Variants in ADD3 observed in about 807,000 individuals in gnomAD.
ADD3 encodes adducin 3.
A neutral mutation model predicts 80.2 loss-of-function variants in ADD3; 25 were observed. That is an observed-to-expected ratio of 0.31 (90% CI 0.23 to 0.44). ADD3 has a LOEUF of 0.44. Ranked by LOEUF, ADD3 falls within the 20% of genes least tolerant of loss-of-function variation. The probability of loss-of-function intolerance (pLI) is 1.00; values close to 1 mark genes in which losing one functional copy is unlikely to be tolerated. For missense variants in ADD3, 829 were observed against 847.5 expected (o/e 0.98, Z 0.27); for synonymous variants, 284 against 289.6 (o/e 0.98, Z 0.20).
chr10:110,122,320 G>A (rs1590219858), intron 9 of ADD3, 28 bp downstream of exon 9: 3 of 1,599,010 alleles, frequency 1.9e-6, no homozygotes, highest in Non-Finnish European at 1.7e-6. Flanking sequence ...AGTAAAACTT[G>A]GATTTAATGT....
chr10:110,098,284 G>C (rs1848412848), intron 1 of ADD3, among the ~76,000 whole-genome samples: 1 of 152,126 alleles, frequency 6.6e-6, no homozygotes, highest in African/African-American at 2.4e-5. Flanking sequence ...ATGGCTAAGG[G>C]ACTGGATAGA....
intron 1 of ADD3, among the ~76,000 whole-genome samples, chr10:110,074,680 G>T (rs117657230): frequency 6.6e-6 from 1 of 151,052 alleles, no homozygotes; most frequent in South Asian, 2.1e-4. Flanking sequence ...ATAACTAATC[G>T]CAAGTCATTT....
rs1335164906 is a variant in ADD3 at position 110,118,659 on chromosome 10, A to G, written c.640A>G (p.Ser214Gly). The stretch of plus-strand genomic sequence containing the variant: ...TTTGAAAATTGACCATACAGGATTC[A>G]GTCCCCATGCTGCAATCTATTCAAC... Reference protein sequence around the residue: ...TNLKIDHTGFSPHAAIYSTRP... With the variant: ...TNLKIDHTGFGPHAAIYSTRP... The change falls in exon 6 of 15, where the codon AGT (serine) becomes GGT (glycine). Residue 214 changes from serine to glycine, a missense_variant. By Grantham distance (56) the Ser-to-Gly change is moderately conservative. Coordinates refer to ENST00000356080, the MANE Select transcript of ADD3 (RefSeq NM_016824.5). The G allele has an allele frequency of 5.0e-6, 8 of 1,613,692 alleles. No individual in the cohort carries two copies. Among genetic ancestry groups the G allele is most frequent in the African/African-American group, 1.3e-5 (1 of 74,934 alleles).
chr10:110,119,020 G>GTAT (rs1851130497), intron 6 of ADD3, among the ~76,000 whole-genome samples, 191 bp from the exon 7 acceptor site: 1 of 152,226 alleles, frequency 6.6e-6, no homozygotes, highest in Non-Finnish European at 1.5e-5. Flanking sequence ...AAGTTGAGTT[G>GTAT]TATTCCCTAA....
In ADD3 at chr10:110,123,015, T is replaced by C. The variant is rs12266344; in HGVS notation, c.1143+723T>C. ...GCCTGGTTTATTTTATTTAATACAA[T>C]GTCCTCTAGGTTCATCCATGTTGTC... On this transcript the variant is annotated intron_variant, in intron 9 of 14. Transcript: ENST00000356080. Among the ~76,000 whole-genome samples, 717 of 152,278 alleles carry C rather than the reference T, an allele frequency of 4.7e-3. 10 individuals carry two copies. Among genetic ancestry groups the C allele is most frequent in the African/African-American group, 0.016 (663 of 41,550 alleles).
chr10:110,072,085 G>T (rs1844786171), intron 1 of ADD3, among the ~76,000 whole-genome samples: 1 of 151,986 alleles, frequency 6.6e-6, no homozygotes, highest in Admixed American at 6.6e-5. Context: ...ATTTTTAGAC[G>T]GAGTCTCTCT....
At chr10:110,007,828 GGAGGCTTCGGAGCCCAAGAGGCGGGGCCA>G (rs1422053027), upstream of ADD3, 2 of 150,844 alleles carry the variant, frequency 1.3e-5, no homozygotes, top group Admixed American at 1.3e-4. Flanking sequence ...GGCGGGGCCG[GGAGGCTTCGGAGCCCAAGAGGCGGGGCCA>G]GAGGCGTAGG....
chr10:110,010,908 C>T (rs1852260281), intron 1 of ADD3, among the ~76,000 whole-genome samples: 5 of 152,204 alleles, frequency 3.3e-5, no homozygotes, highest in Admixed American at 3.3e-4. Context: ...ACCACATCCT[C>T]TGGTATTAAT....
At chr10:110,045,237 C>T (rs1419616518) in intron 1 of ADD3, among the ~76,000 whole-genome samples, 5 of 152,126 alleles carry the variant, frequency 3.3e-5, no homozygotes, top group Non-Finnish European at 7.4e-5. Context: ...GCCTGTAGTC[C>T]CAGCTACTTG....
At chr10:110,037,106 A>G (rs1320443485) in intron 1 of ADD3, among the ~76,000 whole-genome samples, 1 of 152,176 alleles carries the variant, frequency 6.6e-6, no homozygotes, top group Non-Finnish European at 1.5e-5. Context: ...TTGACCATAG[A>G]CCTCAGAGGT....
rs534677598 is a variant in ADD3, at chr10:110,028,183, A to G, written c.-30+19884A>G. Among the ~76,000 whole-genome samples, 49 of 152,348 alleles carry G rather than the reference A, an allele frequency of 3.2e-4. No individual in the cohort carries two copies. The South Asian group carries it at 8.9e-3, about 28-fold the overall frequency. On this transcript the variant is annotated intron_variant, in intron 1 of 14. Transcript: ENST00000356080. ...GGTGCTTAGTAAATATGTATTGAAT[A>G]AATGCTTGCTGATTATTTACATCCC...
At chr10:110,056,528 C>T (rs1317867594) in intron 1 of ADD3, among the ~76,000 whole-genome samples, 1 of 152,112 alleles carries the variant, frequency 6.6e-6, no homozygotes, top group African/African-American at 2.4e-5. Flanking sequence ...CAGTAGTAGG[C>T]ATTAATTTTT....
At chr10:110,089,409 G>C (rs977811780) in intron 1 of ADD3, among the ~76,000 whole-genome samples, 3 of 152,042 alleles carry the variant, frequency 2.0e-5, no homozygotes, top group African/African-American at 4.8e-5. Flanking sequence ...TGTCTGAGAC[G>C]CACATCTAAG....
chr10:110,099,298 A>T (rs1848538273), intron 1 of ADD3, among the ~76,000 whole-genome samples: 1 of 152,076 alleles, frequency 6.6e-6, no homozygotes, highest in South Asian at 2.1e-4. Flanking sequence ...AAATATTAAT[A>T]TGTAAAGAAA....
upstream of ADD3, among the ~76,000 whole-genome samples, chr10:110,004,249 T>C: frequency 6.6e-6 from 1 of 150,922 alleles, no homozygotes; most frequent in East Asian, 2.0e-4. Flanking sequence ...AAAAAAAAAA[T>C]TGAGGCCGGG....
chr10:110,005,524 A>T (rs1258598671), upstream of ADD3, among the ~76,000 whole-genome samples: 1 of 152,180 alleles, frequency 6.6e-6, no homozygotes, highest in Non-Finnish European at 1.5e-5. Context: ...TTTTATTCTT[A>T]TATTAAATAC....
At chr10:110,126,004 C>G in intron 11 of ADD3, 59 bp downstream of exon 11, 1 of 1,508,334 alleles carries the variant, frequency 6.6e-7, no homozygotes, top group Non-Finnish European at 9.0e-7. Flanking sequence ...GTTTAAATCA[C>G]CAGTGGTTGA....
At chr10:110,045,663 C>A (rs1463839876) in intron 1 of ADD3, among the ~76,000 whole-genome samples, 1 of 152,082 alleles carries the variant, frequency 6.6e-6, no homozygotes, top group Non-Finnish European at 1.5e-5. Flanking sequence ...CTATCTACTT[C>A]TATCATTTAC....
intron 1 of ADD3, among the ~76,000 whole-genome samples, chr10:110,095,654 C>T (rs1848059710): frequency 6.6e-6 from 1 of 152,004 alleles, no homozygotes; most frequent in Non-Finnish European, 1.5e-5. Flanking sequence ...CTACTTTTTC[C>T]TGTTAATGAA....
Sources: gnomAD v4.1 joint callset for allele counts (sites outside exome capture counted in the v4.1 genomes callset) on GRCh38, gnomAD v4.1.1 for gene constraint, MANE v1.5 for transcripts, NCBI Gene and HGNC (gene_info 2026-07-23, HGNC 2026-07-21) for gene names.